The following TEK variants were observed in gnomAD, a reference collection of about 807,000 sequenced individuals.
The protein encoded by TEK is angiopoietin-1 receptor.
TEK carries 43 observed loss-of-function variants against 131.8 expected under a neutral mutation model. The observed-to-expected ratio is 0.33, with a 90% CI of 0.26 to 0.42. The LOEUF (loss-of-function observed/expected upper bound fraction) is 0.42, where lower values mean the gene tolerates loss of function less well. Among genes scored for constraint, TEK ranks in the 10% least tolerant of loss-of-function variants. TEK has a pLI of 1.00. For synonymous variants in TEK, 580 were observed against 491.6 expected, an observed-to-expected ratio of 1.18 and a Z score of -2.38; for missense variants, 1,162 against 1,384.4, an observed-to-expected ratio of 0.84 and a Z score of 2.55.
At chr9:27,116,420 C>A (rs1821559086) in intron 1 of TEK, among the ~76,000 whole-genome samples, 1 of 152,074 alleles carries the variant, frequency 6.6e-6, no homozygotes, top group Non-Finnish European at 1.5e-5. Context: ...TCCTGAATAA[C>A]TGGGATTATA....
chr9:27,110,697 AAAC>A (rs1194891090), intron 1 of TEK, among the ~76,000 whole-genome samples: 1 of 152,236 alleles, frequency 6.6e-6, no homozygotes, highest in African/African-American at 2.4e-5. Context: ...AATATTCAAA[AAAC>A]AAATCCAATG....
intron 12 of TEK, among the ~76,000 whole-genome samples, chr9:27,198,063 T>TCC (rs1554698525): frequency 6.6e-6 from 1 of 152,038 alleles, no homozygotes; most frequent in African/African-American, 2.4e-5. Context: ...ACTTTTTTTT[T>TCC]CCAAAGTATT....
At chr9:27,195,898 A>G (rs1179863236) in intron 11 of TEK, among the ~76,000 whole-genome samples, 2 of 152,184 alleles carry the variant, frequency 1.3e-5, no homozygotes, top group African/African-American at 2.4e-5. Flanking sequence ...TTTAAAACCC[A>G]TATTGTTTCT....
chr9:27,155,823 T>C (rs929680811), intron 1 of TEK, among the ~76,000 whole-genome samples: 1 of 151,538 alleles, frequency 6.6e-6, no homozygotes, highest in African/African-American at 2.4e-5. Context: ...ACTTTTGTTT[T>C]TTTTTTTTTT....
chr9:27,205,162 T>G, intron 14 of TEK, 97 bp downstream of exon 14: 2 of 1,477,908 alleles, frequency 1.4e-6, no homozygotes, highest in Non-Finnish European at 1.9e-6. Flanking sequence ...ACTTATAAAG[T>G]AAATATTTCC....
chr9:27,160,615 C>T (rs1229731907), intron 2 of TEK, among the ~76,000 whole-genome samples: 1 of 152,050 alleles, frequency 6.6e-6, no homozygotes, highest in African/African-American at 2.4e-5. Context: ...TAACTTGGGT[C>T]CAGCTGAAAA....
At chr9:27,199,385 A>G (rs1374924772) in intron 12 of TEK, among the ~76,000 whole-genome samples, 2 of 152,256 alleles carry the variant, frequency 1.3e-5, no homozygotes, top group African/African-American at 2.4e-5. Flanking sequence ...GAGTTTTTCT[A>G]GGAACAAGTC....
chr9:27,175,858 G>T (rs940991117), intron 6 of TEK, among the ~76,000 whole-genome samples: 2 of 151,880 alleles, frequency 1.3e-5, no homozygotes, highest in South Asian at 4.2e-4. Context: ...TTGTAAATTT[G>T]TTTGTGTTCA....
chr9:27,151,828 T>C (rs2131106205), intron 1 of TEK, among the ~76,000 whole-genome samples: 1 of 152,362 alleles, frequency 6.6e-6, no homozygotes, highest in South Asian at 2.1e-4. Flanking sequence ...AACAACTTAA[T>C]GAGTGCTTTT....
intron 4 of TEK, among the ~76,000 whole-genome samples, chr9:27,172,082 T>G (rs1037367959): frequency 6.6e-6 from 1 of 152,198 alleles, no homozygotes; most frequent in African/African-American, 2.4e-5. Flanking sequence ...CTGACACCAA[T>G]GTGCACAGAT....
In TEK at chr9:27,203,055, G is replaced by A. The variant is rs764976128; in HGVS notation, c.2145G>A (p.Glu715=). 1 of 1,614,124 alleles carries A rather than the reference G, an allele frequency of 6.2e-7. No homozygotes were observed. Residue 715 remains glutamate, a synonymous_variant, in exon 13 of 23, where the codon GAG becomes GAA. Transcript: ENST00000380036. ...CATACCAGGTGGACATTTTTGCAGAGAACAACATAGGGTCAAGCAACCCAG... is the reference window on the plus strand; with the variant it reads ...CATACCAGGTGGACATTTTTGCAGAAAACAACATAGGGTCAAGCAACCCAG... ...ETAYQVDIFA[E]NNIGSSNPAF... is the part of the protein sequence containing the mutation.
intron 1 of TEK, among the ~76,000 whole-genome samples, chr9:27,150,040 T>G (rs1268150172): frequency 6.6e-6 from 1 of 152,180 alleles, no homozygotes; most frequent in African/African-American, 2.4e-5. Flanking sequence ...CTCTGTCCTG[T>G]ACCCTTTCTA....
intron 21 of TEK, 44 bp from the exon 22 acceptor site, chr9:27,228,162 A>C (rs1275031991): frequency 6.5e-7 from 1 of 1,527,950 alleles, no homozygotes; most frequent in Non-Finnish European, 9.1e-7. Context: ...CCTAGGACTG[A>C]AGCACAGTTA....
At chr9:27,121,041 G>T (rs1564037031) in intron 1 of TEK, among the ~76,000 whole-genome samples, 1 of 152,328 alleles carries the variant, frequency 6.6e-6, no homozygotes, top group Admixed American at 6.5e-5. Flanking sequence ...AGCTTTGCTG[G>T]CTGGGTGCTG....
chr9:27,174,296 G>C (rs939045986), intron 6 of TEK, among the ~76,000 whole-genome samples: 1 of 152,104 alleles, frequency 6.6e-6, no homozygotes, highest in African/African-American at 2.4e-5. Flanking sequence ...CGGCACTAAA[G>C]GTAGCTACGA....
intron 9 of TEK, among the ~76,000 whole-genome samples, chr9:27,188,864 G>T (rs2152066): frequency 0.36 from 53,994 of 151,998 alleles, 9,641 homozygotes; most frequent in South Asian, 0.4. Flanking sequence ...TACAGTTCAC[G>T]AAAATGCTGA....
intron 2 of TEK, among the ~76,000 whole-genome samples, chr9:27,158,746 G>A (rs112989165): frequency 6.0e-5 from 9 of 149,706 alleles, no homozygotes; most frequent in African/African-American, 2.2e-4. Context: ...TGCAACCTCC[G>A]CCTCCCGGGT....
intron 1 of TEK, among the ~76,000 whole-genome samples, chr9:27,135,215 CTT>C (rs34646855): frequency 2.2e-3 from 313 of 141,672 alleles, no homozygotes; most frequent in East Asian, 7.7e-3. Flanking sequence ...CAGAGTGAGA[CTT>C]TTTTTTTTTT....
chr9:27,150,760 G>A (rs181738657), intron 1 of TEK, among the ~76,000 whole-genome samples: 1 of 152,278 alleles, frequency 6.6e-6, no homozygotes, highest in African/African-American at 2.4e-5. Context: ...GTAAAGTCTC[G>A]TTGTGTGGAT....
Sources: gnomAD v4.1 joint callset for allele counts (sites outside exome capture counted in the v4.1 genomes callset) on GRCh38, gnomAD v4.1.1 for gene constraint, MANE v1.5 for transcripts, NCBI Gene and HGNC (gene_info 2026-07-23, HGNC 2026-07-21) for gene names.